The following TAFA1 variants were observed in gnomAD, a reference collection of about 807,000 sequenced individuals.
TAFA1 encodes the protein chemokine-like protein TAFA-1.
Under a neutral mutation model 18.5 loss-of-function variants are expected in TAFA1, and 4 were observed. The observed-to-expected ratio is 0.22, with a 90% CI of 0.11 to 0.49. TAFA1 has a LOEUF of 0.49. Among genes scored for constraint, TAFA1 ranks in the 20% least tolerant of loss-of-function variants. The pLI is 0.98. For missense variants in TAFA1, 147 were observed against 169.0 expected, an observed-to-expected ratio of 0.87 and a Z score of 0.72; for synonymous variants, 56 against 55.2, an observed-to-expected ratio of 1.01 and a Z score of -0.06.
intron 2 of TAFA1, among the ~76,000 whole-genome samples, chr3:68,176,368 G>C (rs913291724): frequency 3.9e-5 from 6 of 152,132 alleles, no homozygotes; most frequent in Admixed American, 2.6e-4. Flanking sequence ...TGTGGTCCTA[G>C]CTATTTGGGA....
intron 2 of TAFA1, among the ~76,000 whole-genome samples, chr3:68,339,982 C>A (rs2069052333): frequency 6.6e-6 from 1 of 152,314 alleles, no homozygotes; most frequent in East Asian, 1.9e-4. Flanking sequence ...ATTTGTTCCA[C>A]CAAGGAGTTT....
chr3:68,014,363 C>T (rs1000368809), intron 2 of TAFA1, among the ~76,000 whole-genome samples: 3 of 152,072 alleles, frequency 2.0e-5, no homozygotes, highest in African/African-American at 7.2e-5. Context: ...TAGCTTTAGC[C>T]GAGTGAGAAC....
At chr3:68,142,995 G>A (rs945879522) in intron 2 of TAFA1, among the ~76,000 whole-genome samples, 1 of 151,288 alleles carries the variant, frequency 6.6e-6, no homozygotes, top group African/African-American at 2.4e-5. Context: ...TCTTGGTTTC[G>A]ATTGCTCTGG....
intron 2 of TAFA1, among the ~76,000 whole-genome samples, chr3:68,341,778 C>T (rs1395683804): frequency 6.6e-6 from 1 of 152,084 alleles, no homozygotes; most frequent in Non-Finnish European, 1.5e-5. Context: ...ATAATTTTTG[C>T]AAAGTTGGTT....
At chr3:68,403,337 C>G (rs924296421) in intron 2 of TAFA1, among the ~76,000 whole-genome samples, 1 of 152,198 alleles carries the variant, frequency 6.6e-6, no homozygotes, top group Non-Finnish European at 1.5e-5. Flanking sequence ...ACCTCCAAAT[C>G]TCATGGGCTT....
intron 2 of TAFA1, among the ~76,000 whole-genome samples, chr3:68,078,075 G>C (rs886488361): frequency 3.2e-4 from 48 of 151,512 alleles, no homozygotes; most frequent in Non-Finnish European, 4.0e-4. Context: ...TGAAGCAATT[G>C]TGAATGGGAG....
At chr3:68,020,989 C>T (rs761180035) in intron 2 of TAFA1, among the ~76,000 whole-genome samples, 1 of 151,706 alleles carries the variant, frequency 6.6e-6, no homozygotes, top group Non-Finnish European at 1.5e-5. Context: ...AGTTTGGGAC[C>T]AGCCTGGCCA....
chr3:68,225,297 T>A (rs1473530282), intron 2 of TAFA1, among the ~76,000 whole-genome samples: 1 of 152,164 alleles, frequency 6.6e-6, no homozygotes, highest in Non-Finnish European at 1.5e-5. Context: ...GAGACATGAA[T>A]GGGAAGTTTT....
intron 2 of TAFA1, among the ~76,000 whole-genome samples, chr3:68,009,807 G>A (rs1334617673): frequency 2.0e-5 from 3 of 152,038 alleles, no homozygotes; most frequent in South Asian, 2.1e-4. Context: ...GAGTTGTGAC[G>A]TTTTCCCTTG....
intron 3 of TAFA1, among the ~76,000 whole-genome samples, chr3:68,520,164 G>C (rs1415267167): frequency 1.3e-5 from 2 of 152,098 alleles, no homozygotes; most frequent in Admixed American, 1.3e-4. Flanking sequence ...ATTTGGGCTA[G>C]AGCCAACTTG....
intron 3 of TAFA1, among the ~76,000 whole-genome samples, chr3:68,468,982 T>C (rs2071940810): frequency 6.6e-6 from 1 of 151,990 alleles, no homozygotes; most frequent in African/African-American, 2.4e-5. Context: ...CATTGGAAAG[T>C]CCAGAAGAAA....
chr3:68,485,139 C>T (rs763470523), intron 3 of TAFA1, among the ~76,000 whole-genome samples: 1 of 152,040 alleles, frequency 6.6e-6, no homozygotes, highest in Non-Finnish European at 1.5e-5. Flanking sequence ...CCACCCAGAA[C>T]AAATAACTGT....
chr3:68,148,884 T>C (rs1384226588), intron 2 of TAFA1, among the ~76,000 whole-genome samples: 1 of 152,230 alleles, frequency 6.6e-6, no homozygotes, highest in Admixed American at 6.5e-5. Context: ...CACTCTGAAA[T>C]GGAATATAGA....
At chr3:68,273,777 T>G (rs1351135136) in intron 2 of TAFA1, among the ~76,000 whole-genome samples, 1 of 152,210 alleles carries the variant, frequency 6.6e-6, no homozygotes, top group East Asian at 1.9e-4. Flanking sequence ...AATAGTATAA[T>G]GCACAGGAAG....
intron 2 of TAFA1, among the ~76,000 whole-genome samples, chr3:68,110,313 C>T (rs2065249550): frequency 6.6e-6 from 1 of 152,206 alleles, no homozygotes; most frequent in African/African-American, 2.4e-5. Flanking sequence ...GAGCTCATTC[C>T]TTTTTATGGC....
At chr3:68,411,595 A>C (rs2070719125) in intron 2 of TAFA1, among the ~76,000 whole-genome samples, 1 of 152,206 alleles carries the variant, frequency 6.6e-6, no homozygotes, top group South Asian at 2.1e-4. Flanking sequence ...TAATCACCTA[A>C]GTATGATTGA....
intron 2 of TAFA1, among the ~76,000 whole-genome samples, chr3:68,366,172 A>G (rs2069570470): frequency 6.6e-6 from 1 of 151,836 alleles, no homozygotes; most frequent in Admixed American, 6.6e-5. Context: ...CGCCCCCATG[A>G]TTCAGTTATC....
intron 3 of TAFA1, among the ~76,000 whole-genome samples, chr3:68,456,921 C>A (rs2106911108): frequency 6.6e-6 from 1 of 152,334 alleles, no homozygotes; most frequent in African/African-American, 2.4e-5. Flanking sequence ...CCTAGGAACA[C>A]TTCAACCATC....
intron 2 of TAFA1, among the ~76,000 whole-genome samples, chr3:68,300,628 C>G (rs2068286997): frequency 6.6e-6 from 1 of 151,964 alleles, no homozygotes; most frequent in African/African-American, 2.4e-5. Context: ...GGGGCCAGGG[C>G]AGAATTCTAT....
Sources: allele counts gnomAD v4.1 joint callset (sites outside exome capture counted in the v4.1 genomes callset), GRCh38; gene constraint gnomAD v4.1.1; transcripts MANE v1.5; gene names NCBI Gene and HGNC (gene_info 2026-07-23, HGNC 2026-07-21).